The following ANK2 variants were observed in gnomAD, a reference collection of about 807,000 sequenced individuals.
The protein encoded by ANK2 is ankyrin 2.
ANK2 carries 83 observed loss-of-function variants against 360.5 expected under a neutral mutation model. The ratio of observed to expected loss-of-function variants is 0.23; its 90% CI spans 0.19 to 0.28. ANK2 has a LOEUF of 0.28. Ranked by LOEUF, ANK2 falls within the 10% of genes least tolerant of loss-of-function variation. The probability of loss-of-function intolerance (pLI) is 1.00; values close to 1 mark genes in which losing one functional copy is unlikely to be tolerated. For missense variants in ANK2, 4,201 were observed against 4,795.7 expected (o/e 0.88, Z 3.66); for synonymous variants, 1,740 against 1,759.5 (o/e 0.99, Z 0.28).
At chr4:113,287,547 G>T (rs11941140) in intron 18 of ANK2, 58 bp from the exon 19 acceptor site, 1 of 1,230,368 alleles carries the variant, frequency 8.1e-7, no homozygotes. Flanking sequence ...TAATATTATA[G>T]ATGATGCAAT....
intron 2 of ANK2, among the ~76,000 whole-genome samples, chr4:112,939,134 C>A (rs1033655361): frequency 2.0e-5 from 3 of 151,936 alleles, no homozygotes; most frequent in African/African-American, 7.3e-5. Context: ...AAACTTAAAA[C>A]AAATATTTTA....
intron 2 of ANK2, among the ~76,000 whole-genome samples, chr4:112,905,319 C>A (rs746092370): frequency 5.3e-5 from 8 of 152,030 alleles, no homozygotes; most frequent in Non-Finnish European, 1.0e-4. Flanking sequence ...ACATATGGTG[C>A]CTTTGTACTA....
intron 2 of ANK2, among the ~76,000 whole-genome samples, chr4:113,190,893 G>A (rs1392380874): frequency 6.6e-6 from 1 of 152,118 alleles, no homozygotes; most frequent in Non-Finnish European, 1.5e-5. Context: ...ATTATAATAA[G>A]TAGTTCAGAT....
chr4:112,855,020 A>G (rs1339110110), intron 1 of ANK2, among the ~76,000 whole-genome samples: 2 of 152,252 alleles, frequency 1.3e-5, no homozygotes, highest in African/African-American at 2.4e-5. Context: ...TTAAGCTCCA[A>G]TGACACAATG....
At chr4:112,749,856 C>T in the ANK2 span, among the ~76,000 whole-genome samples, 1 of 152,000 alleles carries the variant, frequency 6.6e-6, no homozygotes, top group Admixed American at 6.6e-5. Flanking sequence ...AGCCACTCTC[C>T]TGCCTCAGGC....
intron 4 of ANK2, among the ~76,000 whole-genome samples, chr4:113,199,973 A>G (rs745365155): frequency 2.0e-5 from 3 of 152,198 alleles, no homozygotes; most frequent in Non-Finnish European, 4.4e-5. Flanking sequence ...CTCTAGTTCT[A>G]TAGATGGCAC....
At chr4:112,780,626 A>C in the ANK2 span, among the ~76,000 whole-genome samples, 1 of 152,186 alleles carries the variant, frequency 6.6e-6, no homozygotes, top group Non-Finnish European at 1.5e-5. Flanking sequence ...GAGACTGGGT[A>C]ATTTATAAAG....
chr4:113,209,412 C>A (rs62313186), intron 4 of ANK2, among the ~76,000 whole-genome samples: 7,591 of 151,990 alleles, frequency 0.05, 274 homozygotes, highest in Non-Finnish European at 0.069. Flanking sequence ...AAATCTCCCC[C>A]ACAGGACAGC....
In ANK2 at chr4:113,357,287, G is replaced by A. The variant is rs372710129; in HGVS notation, c.8669G>A (p.Cys2890Tyr). 1.7e-5 allele frequency: 28 copies of A among 1,614,004 alleles called. No individual in the cohort carries two copies. In the African/African-American group the frequency reaches 3.3e-4, roughly 19 times the overall value. The change falls in exon 38 of 46, where the codon TGC becomes TAC. Residue 2890 changes from cysteine (C) to tyrosine (Y), a missense_variant. By Grantham distance (194) the Cys-to-Tyr change is radical. Around this residue, in one of 4 missense-constraint regions of ANK2, gnomAD observed 2,642 missense variants for 2,714.5 expected, o/e 0.97. Transcript: ENST00000357077. ...DETFENLPKD[C>Y]PSQDSSITTQ... is the part of the protein sequence containing the mutation. The stretch of plus-strand genomic sequence containing the variant: ...ACATTTGAGAACTTACCAAAGGACT[G>A]CCCCTCTCAAGACTCATCCATTACT...
intron 1 of ANK2, among the ~76,000 whole-genome samples, chr4:113,061,045 G>T (rs540324140): frequency 5.1e-4 from 77 of 152,222 alleles, no homozygotes; most frequent in African/African-American, 1.7e-3. Flanking sequence ...TAAAGAACCA[G>T]TAGGACTGAT....
At chr4:112,954,830 C>T (rs182517072) in intron 2 of ANK2, among the ~76,000 whole-genome samples, 93 of 152,008 alleles carry the variant, frequency 6.1e-4, no homozygotes, top group Non-Finnish European at 1.2e-3. Context: ...TAAGTGTAAA[C>T]TGGAATAATA....
chr4:113,142,625 G>A (rs2154385568), intron 1 of ANK2, among the ~76,000 whole-genome samples: 1 of 152,068 alleles, frequency 6.6e-6, no homozygotes, highest in Middle Eastern at 3.4e-3. Context: ...TCACTACATG[G>A]CATATTTGGG....
chr4:112,803,683 TA>T, the ANK2 span, among the ~76,000 whole-genome samples: 2 of 152,160 alleles, frequency 1.3e-5, no homozygotes, highest in Admixed American at 6.5e-5. Context: ...ATACATACAC[TA>T]AAAAATATAC....
intron 1 of ANK2, among the ~76,000 whole-genome samples, chr4:112,839,221 C>T (rs2149781831): frequency 6.6e-6 from 1 of 152,316 alleles, no homozygotes; most frequent in Non-Finnish European, 1.5e-5. Context: ...ACTGTACTTT[C>T]ATTCACAGGT....
At chr4:113,302,229 GC>G (rs904473756) in intron 22 of ANK2, among the ~76,000 whole-genome samples, 15 of 152,182 alleles carry the variant, frequency 9.9e-5, no homozygotes, top group African/African-American at 3.6e-4. Context: ...AGGCAAATAA[GC>G]AACAAACCAG....
intron 1 of ANK2, among the ~76,000 whole-genome samples, chr4:113,159,696 C>T (rs1346324735): frequency 2.0e-5 from 3 of 151,752 alleles, no homozygotes; most frequent in African/African-American, 4.8e-5. Flanking sequence ...GTAAACTTTG[C>T]CTCCCGGGTT....
At chr4:112,954,762 T>C (rs1267845001) in intron 2 of ANK2, among the ~76,000 whole-genome samples, 2 of 152,198 alleles carry the variant, frequency 1.3e-5, no homozygotes, top group Admixed American at 6.5e-5. Flanking sequence ...TATCTGGTAG[T>C]CTCTCCATTT....
intron 1 of ANK2, among the ~76,000 whole-genome samples, chr4:112,872,662 T>G (rs925779009): frequency 6.6e-6 from 1 of 152,208 alleles, no homozygotes; most frequent in Non-Finnish European, 1.5e-5. Context: ...GGGATATTCT[T>G]CTTTAGTTTT....
chr4:112,807,319 A>C, the ANK2 span, among the ~76,000 whole-genome samples: 1 of 152,230 alleles, frequency 6.6e-6, no homozygotes, highest in Non-Finnish European at 1.5e-5. Flanking sequence ...ATTGTTTTTA[A>C]GGAACTAAAA....
Sources: gnomAD v4.1 joint callset for allele counts (sites outside exome capture counted in the v4.1 genomes callset) on GRCh38, gnomAD v4.1.1 for gene constraint, gnomAD v4.1.1 regional missense constraint, MANE v1.5 for transcripts, NCBI Gene and HGNC (gene_info 2026-07-23, HGNC 2026-07-21) for gene names.